CEP131: variants seen among roughly 807,000 people sequenced by gnomAD.
CEP131 encodes the protein centrosomal protein 131.
A neutral mutation model predicts 136.8 loss-of-function variants in CEP131; 99 were observed. The observed-to-expected ratio is 0.72, with a 90% CI of 0.62 to 0.86. The LOEUF (loss-of-function observed/expected upper bound fraction) is 0.86. CEP131 is among the 40% of genes least tolerant of loss of function. The pLI is 0.00. For missense variants in CEP131, 1,459 were observed against 1,463.0 expected (o/e 1.00, Z 0.04); for synonymous variants, 646 against 612.7 (o/e 1.05, Z -0.80).
chr17:81,197,463 G>T, intron 13 of CEP131: 1 of 581,988 alleles, frequency 1.7e-6, no homozygotes, highest in Non-Finnish European at 3.0e-6. Context: ...CGGGTAGGTG[G>T]GGGCAGTATG....
rs1035216907 is a variant in CEP131 at position 81,190,118 on chromosome 17, C to G, written c.3108-143G>C. On this transcript the variant is annotated intron_variant, in intron 24 of 25. Transcript: ENST00000450824. ...CCACGACTCCTGTGGCTGGCCCAGA[C>G]AGCTGTCCAGGCAACCCACCTGCTG... 31 of 737,578 alleles carry G rather than the reference C, an allele frequency of 4.2e-5. No individual in the cohort carries two copies. The African/African-American group carries it at 5.2e-4, about 12-fold the overall frequency. 45.7% of individuals were successfully genotyped at this position (737,578 alleles called of 1,614,324 possible).
chr17:81,212,474 C>A, intron 2 of CEP131, among the ~76,000 whole-genome samples: 1 of 151,666 alleles, frequency 6.6e-6, no homozygotes, highest in South Asian at 2.1e-4. Flanking sequence ...CGAGTAGCCC[C>A]GGGCAGGAGT....
chr17:81,195,499 G>C (rs942107351), intron 16 of CEP131, among the ~76,000 whole-genome samples: 2 of 152,212 alleles, frequency 1.3e-5, no homozygotes, highest in Non-Finnish European at 2.9e-5. Context: ...TCAGTAGAGA[G>C]AGCAGGTCCC....
chr17:81,197,671 T>C, intron 13 of CEP131, 41 bp downstream of exon 13: 1 of 1,575,956 alleles, frequency 6.3e-7, no homozygotes, highest in Non-Finnish European at 8.6e-7. Context: ...GTGAGGGGCC[T>C]CCTCCCACTG....
intron 1 of CEP131, among the ~76,000 whole-genome samples, chr17:81,222,511 A>G (rs931168404): frequency 3.3e-5 from 5 of 151,808 alleles, no homozygotes; most frequent in African/African-American, 1.2e-4. Flanking sequence ...GGAGGTGGGG[A>G]CCCACACCCT....
rs370319596 is a variant in CEP131 at position 81,192,399 on chromosome 17, G to C, written c.2548-7C>G. 4 of 1,609,908 alleles carry C rather than the reference G, an allele frequency of 2.5e-6. No homozygotes were observed. The highest frequency in any genetic ancestry group is 3.4e-6 in the Non-Finnish European group (4 of 1,179,116). ...TCAGGGTATTCAGCTCCATCTGGGG[G>C]GCGGACATAAGAGGCCAGTCAGTCC... On this transcript the variant is annotated splice_polypyrimidine_tract_variant and splice_region_variant and intron_variant, in intron 20 of 25. Transcript: ENST00000450824.
At chr17:81,194,539 C>T (rs1240654872) in intron 17 of CEP131, among the ~76,000 whole-genome samples, 4 of 152,248 alleles carry the variant, frequency 2.6e-5, no homozygotes, top group African/African-American at 4.8e-5. Flanking sequence ...CTCTGCTTCC[C>T]GTGGCAGGGC....
intron 5 of CEP131, among the ~76,000 whole-genome samples, chr17:81,206,009 TC>T (rs1342577292): frequency 6.6e-6 from 1 of 151,960 alleles, no homozygotes; most frequent in Non-Finnish European, 1.5e-5. Context: ...ATCGAGACCA[TC>T]CCGGCCAACA....
At chr17:81,214,768 T>C (rs2062208777) in intron 2 of CEP131, among the ~76,000 whole-genome samples, 1 of 151,686 alleles carries the variant, frequency 6.6e-6, no homozygotes, top group South Asian at 2.1e-4. Context: ...TGGCAATGCC[T>C]ATCAAAAAAA....
chr17:81,192,947 G>A, intron 18 of CEP131, 104 bp from the exon 19 acceptor site: 2 of 1,485,512 alleles, frequency 1.3e-6, no homozygotes, highest in South Asian at 1.3e-5. Flanking sequence ...CACAGCTGGA[G>A]AGCAGCCCTC....
Position 81,203,477 on chromosome 17 carries a change from TC to T in CEP131, c.629+16del. The T allele has an allele frequency of 6.3e-7, 1 of 1,578,910 alleles. No individual in the cohort carries two copies. Among genetic ancestry groups the T allele is most frequent in the African/African-American group, 1.3e-5 (1 of 74,530 alleles). On this transcript the variant is annotated intron_variant, in intron 6 of 25. Transcript: ENST00000450824. The surrounding 1 kb of genome is among the most constrained non-coding windows in gnomAD (Gnocchi z 4.6). ...GGTCGGACCCCGCAGCCCCGCGGCCTCCCCAGAAGACCTTACTTGAGGGAGG... is the reference window on the plus strand; with the variant it reads ...GGTCGGACCCCGCAGCCCCGCGGCCTCCCAGAAGACCTTACTTGAGGGAGG...
chr17:81,202,212 C>T (rs201757869), intron 7 of CEP131, 28 bp downstream of exon 7: 68 of 1,507,948 alleles, frequency 4.5e-5, no homozygotes, highest in Non-Finnish European at 5.3e-5. Context: ...AGGCTCAGGC[C>T]CCCCCCCACC....
intron 10 of CEP131, 68 bp from the exon 11 acceptor site, chr17:81,199,039 C>T: frequency 1.4e-6 from 2 of 1,397,016 alleles, no homozygotes; most frequent in Non-Finnish European, 1.9e-6. Flanking sequence ...CTGGAGGCAC[C>T]CCCGGGAAGG....
intron 3 of CEP131, among the ~76,000 whole-genome samples, chr17:81,207,812 A>G: frequency 6.6e-6 from 1 of 151,470 alleles, no homozygotes; most frequent in Admixed American, 6.6e-5. Context: ...GGGAGGCCAC[A>G]GCTGCGCCGA....
chr17:81,192,685 G>GGGCGCCC, intron 19 of CEP131, 51 bp downstream of exon 19: 1 of 478,438 alleles, frequency 2.1e-6, no homozygotes, highest in Non-Finnish European at 4.1e-6. Context: ...GGGGGGAGGG[G>GGGCGCCC]TCAGCCAGCG....
chr17:81,191,489 G>A (rs1006289174), intron 21 of CEP131, 154 bp from the exon 22 acceptor site: 14 of 682,400 alleles, frequency 2.1e-5, no homozygotes, highest in East Asian at 1.6e-4. Flanking sequence ...GGTGCGCTAC[G>A]TCCTGTTGTC....
At chr17:81,213,173 A>G (rs906583972) in intron 2 of CEP131, among the ~76,000 whole-genome samples, 1 of 152,246 alleles carries the variant, frequency 6.6e-6, no homozygotes, top group Non-Finnish European at 1.5e-5. Flanking sequence ...AGCTGTGACA[A>G]TGAGAGCAAC....
intron 13 of CEP131, 99 bp from the exon 14 acceptor site, chr17:81,197,154 G>T: frequency 1.4e-6 from 2 of 1,455,582 alleles, no homozygotes; most frequent in East Asian, 2.5e-5. Flanking sequence ...TGGGGACAGA[G>T]GGGCTGCTGC....
rs373262822 is a variant in CEP131 at position 81,194,109 on chromosome 17, T to C, written c.2138A>G (p.Gln713Arg). ...CTGCTTGTGCCTTGCAATCAGCTTC[T>C]GGATCTCGGGCTCCAGACCTGGGGG... Reference protein sequence around the residue: ...VTVRGLEPEIQKLIARHKQEV... With the variant: ...VTVRGLEPEIRKLIARHKQEV... The change falls in exon 18 of 26, where the codon CAG (glutamine) becomes CGG (arginine). Residue 713 changes from glutamine to arginine, a missense_variant. Physicochemically the swap from Gln to Arg is conservative, Grantham distance 43. Transcript: ENST00000450824. 8 of 1,545,266 alleles carry C rather than the reference T, an allele frequency of 5.2e-6. No homozygotes were observed. The highest frequency in any genetic ancestry group is 4.2e-5 in the African/African-American group (3 of 71,492).
Sources: gnomAD v4.1 joint callset for allele counts (sites outside exome capture counted in the v4.1 genomes callset) on GRCh38, gnomAD v4.1.1 for gene constraint, Gnocchi (gnomAD v3.1) non-coding constraint, MANE v1.5 for transcripts, NCBI Gene and HGNC (gene_info 2026-07-23, HGNC 2026-07-21) for gene names.